CFAP221: variants seen among roughly 807,000 people sequenced by gnomAD.
The protein encoded by CFAP221 is cilia- and flagella-associated protein 221.
In CFAP221, 97 loss-of-function variants were observed where a neutral mutation model predicts 113.1. The ratio of observed to expected loss-of-function variants is 0.86; its 90% CI spans 0.73 to 1.02. CFAP221 has a LOEUF of 1.02. Ranked by LOEUF, CFAP221 falls within the 50% of genes least tolerant of loss-of-function variation. The pLI is 0.00. For synonymous variants in CFAP221, 331 were observed against 354.4 expected, an observed-to-expected ratio of 0.93 and a Z score of 0.74; for missense variants, 1,025 against 1,013.4, an observed-to-expected ratio of 1.01 and a Z score of -0.16.
chr2:119,637,171 C>T (rs1687167064), intron 19 of CFAP221, among the ~76,000 whole-genome samples: 1 of 152,210 alleles, frequency 6.6e-6, no homozygotes, highest in Non-Finnish European at 1.5e-5. Flanking sequence ...TCTCAGATCC[C>T]CTCAGTGGTC....
intron 21 of CFAP221, among the ~76,000 whole-genome samples, chr2:119,643,822 G>A (rs1213499902): frequency 6.6e-6 from 1 of 152,038 alleles, no homozygotes; most frequent in South Asian, 2.1e-4. Context: ...TGGGATTACA[G>A]GCGTGAGCCA....
chr2:119,655,157 C>T (rs1332866658), intron 23 of CFAP221, among the ~76,000 whole-genome samples: 1 of 152,188 alleles, frequency 6.6e-6, no homozygotes, highest in Non-Finnish European at 1.5e-5. Context: ...AAAGAATCAT[C>T]TGCTCTCACT....
chr2:119,656,512 G>A lies in CFAP221; in HGVS notation c.*42G>A, dbSNP rs368783717. 33 of 1,396,880 alleles carry A rather than the reference G, an allele frequency of 2.4e-5. No homozygotes were observed. Among genetic ancestry groups the A allele is most frequent in the Middle Eastern group, 1.9e-4 (1 of 5,398 alleles). The allele number at this position is 1,396,880 out of a possible 1,614,324, so 86.5% of individuals were successfully genotyped here. On this transcript the variant is annotated 3_prime_UTR_variant, in exon 24 of 24. Transcript: ENST00000413369. ...AGTCCCTTCCATTTGCTTTCCGTGG[G>A]CCACTGTGGCCCCTTGCGTCCATTT...
At chr2:119,621,006 C>T (rs1685873836) in intron 14 of CFAP221, among the ~76,000 whole-genome samples, 1 of 151,754 alleles carries the variant, frequency 6.6e-6, no homozygotes, top group Admixed American at 6.6e-5. Context: ...AGGCGGATCA[C>T]CTCAGGTCGG....
intron 15 of CFAP221, among the ~76,000 whole-genome samples, chr2:119,627,148 C>A (rs1215753230): frequency 6.6e-6 from 1 of 152,048 alleles, no homozygotes; most frequent in Non-Finnish European, 1.5e-5. Context: ...CTGAGCCTGG[C>A]TCAGCCTTCC....
At chr2:119,624,590 A>G (rs545533533) in intron 14 of CFAP221, among the ~76,000 whole-genome samples, 1 of 152,210 alleles carries the variant, frequency 6.6e-6, no homozygotes, top group Admixed American at 6.5e-5. Context: ...TTGCAGCACT[A>G]TTCACAATAG....
intron 6 of CFAP221, chr2:119,572,591 G>C: frequency 1.4e-6 from 1 of 700,364 alleles, no homozygotes. Context: ...ACTTGGAGCA[G>C]GTCCAGTTGG....
At chr2:119,650,108 T>C (rs1197198416) in intron 22 of CFAP221, among the ~76,000 whole-genome samples, 2 of 152,332 alleles carry the variant, frequency 1.3e-5, no homozygotes, top group Middle Eastern at 6.8e-3. Context: ...CTACAGCATC[T>C]TTCACACCAT....
chr2:119,647,476 G>A lies in CFAP221; in HGVS notation c.2318+426G>A, dbSNP rs116347029. Among the ~76,000 whole-genome samples the A allele has an allele frequency of 5.8e-3, 879 of 152,222 alleles. 8 individuals are homozygous for A. The highest frequency in any genetic ancestry group is 0.02 in the African/African-American group (820 of 41,520). On this transcript the variant is annotated intron_variant, in intron 22 of 23. Coordinates refer to ENST00000413369, the MANE Select transcript of CFAP221 (RefSeq NM_001271049.2). ...TGAAATGGTTTTGAATCTCCTATCC[G>A]TATGCTCATTTACAATTGATGGCTA...
intron 15 of CFAP221, among the ~76,000 whole-genome samples, chr2:119,626,960 C>A (rs189375199): frequency 6.6e-6 from 1 of 151,646 alleles, no homozygotes; most frequent in African/African-American, 2.4e-5. Context: ...GAATTCCAAT[C>A]CTCTGATGCC....
At chr2:119,605,915 A>G (rs1232237510) in intron 11 of CFAP221, among the ~76,000 whole-genome samples, 1 of 152,204 alleles carries the variant, frequency 6.6e-6, no homozygotes, top group Non-Finnish European at 1.5e-5. Flanking sequence ...AAAAGTGCAT[A>G]TAAATGTTCA....
rs147238582 is a variant in CFAP221, at chr2:119,620,421, A to T, written c.1410+4712A>T. Among the ~76,000 whole-genome samples the T allele has an allele frequency of 1.2e-3, 179 of 152,340 alleles. 1 individual carries two copies. The highest frequency in any genetic ancestry group is 9.8e-3 in the East Asian group (51 of 5,188). Reference sequence around the variant, plus strand: ...GCAGAAACCCTACAAGACCGAAGAGAGTGGGGGCCAATATTCAACATTCTC... The same window carrying T: ...GCAGAAACCCTACAAGACCGAAGAGTGTGGGGGCCAATATTCAACATTCTC... On this transcript the variant is annotated intron_variant, in intron 14 of 23. Transcript: ENST00000413369.
intron 11 of CFAP221, among the ~76,000 whole-genome samples, chr2:119,605,903 A>T (rs1252768184): frequency 1.3e-5 from 2 of 152,202 alleles, no homozygotes; most frequent in Non-Finnish European, 2.9e-5. Context: ...ATGGTCACAT[A>T]AAAAAGTGCA....
rs777605831 is a variant in CFAP221, at chr2:119,604,699, C to A, written c.819C>A (p.Thr273=). Residue 273 remains threonine, a synonymous_variant, in exon 9 of 24, where the codon ACC becomes ACA. Transcript: ENST00000413369. ...TAGAAGAGTTTGAAAGGTTGAATAC[C>A]CTTTCTAAGAAAGTAAACGTTCCTC... ...LPLEEFERLN[T]LSKKVNVPPE... 6.4e-6 allele frequency: 10 copies of A among 1,555,222 alleles called. No homozygotes were observed. In the Admixed American group the frequency reaches 2.2e-4, roughly 35 times the overall value.
intron 13 of CFAP221, among the ~76,000 whole-genome samples, chr2:119,612,359 A>G (rs1013590244): frequency 2.0e-5 from 3 of 152,230 alleles, no homozygotes; most frequent in African/African-American, 7.2e-5. Flanking sequence ...GCCTCAGGAA[A>G]CGTACAATCA....
At chr2:119,628,305 G>GTGTGTGTGTGTGTA (rs1295514921) in intron 16 of CFAP221, among the ~76,000 whole-genome samples, 1 of 151,014 alleles carries the variant, frequency 6.6e-6, no homozygotes, top group Non-Finnish European at 1.5e-5. Flanking sequence ...GTGTGTGTGT[G>GTGTGTGTGTGTGTA]TGTGTGTGTG....
At chr2:119,643,402 CAG>C (rs1052512893) in intron 21 of CFAP221, among the ~76,000 whole-genome samples, 1 of 152,208 alleles carries the variant, frequency 6.6e-6, no homozygotes, top group African/African-American at 2.4e-5. Context: ...TCCATAAAAT[CAG>C]AGAGTCAGTG....
intron 6 of CFAP221, among the ~76,000 whole-genome samples, chr2:119,578,900 A>G (rs138450227): frequency 1.2e-3 from 186 of 152,326 alleles, no homozygotes; most frequent in African/African-American, 4.2e-3. Context: ...AGTAAGTTCA[A>G]GATCATTTGT....
chr2:119,634,077 C>A (rs991344451), intron 19 of CFAP221, among the ~76,000 whole-genome samples: 1 of 152,084 alleles, frequency 6.6e-6, no homozygotes, highest in African/African-American at 2.4e-5. Context: ...TACTGCACTT[C>A]TGCCTGGGCA....
Sources: allele counts gnomAD v4.1 joint callset (sites outside exome capture counted in the v4.1 genomes callset), GRCh38; gene constraint gnomAD v4.1.1; transcripts MANE v1.5; gene names NCBI Gene and HGNC (gene_info 2026-07-23, HGNC 2026-07-21).